The following TBC1D22A variants were observed in gnomAD, a reference collection of about 807,000 sequenced individuals.
The protein encoded by TBC1D22A is TBC1 domain family member 22A, also known as putative GTPase activator.
A neutral mutation model predicts 60.2 loss-of-function variants in TBC1D22A; 38 were observed. The ratio of observed to expected loss-of-function variants is 0.63; its 90% confidence interval spans 0.49 to 0.83. The LOEUF is 0.83. Ranked by LOEUF, TBC1D22A falls within the 40% of genes least tolerant of loss-of-function variation. The pLI is 0.00. For missense variants in TBC1D22A, 628 were observed against 701.0 expected (o/e 0.90, Z 1.18); for synonymous variants, 302 against 281.7 (o/e 1.07, Z -0.72).
chr22:46,762,974 G>A, intron 1 of TBC1D22A, 126 bp downstream of exon 1: 1 of 884,138 alleles, frequency 1.1e-6, no homozygotes, highest in Non-Finnish European at 1.6e-6. Context: ...GGAGACTGCT[G>A]GATGGTGTGA....
chr22:47,095,002 G>T (rs184081137), intron 11 of TBC1D22A, among the ~76,000 whole-genome samples: 1 of 152,354 alleles, frequency 6.6e-6, no homozygotes, highest in East Asian at 1.9e-4. Flanking sequence ...AGGCCGGCTG[G>T]GTAGCAACAG....
At chr22:46,827,652 G>A (rs557781911) in intron 4 of TBC1D22A, among the ~76,000 whole-genome samples, 36 of 152,314 alleles carry the variant, frequency 2.4e-4, no homozygotes, top group African/African-American at 7.5e-4. Context: ...TTGAGGATGC[G>A]TGTGGGCTTG....
chr22:46,895,258 A>T lies in TBC1D22A; in HGVS notation c.900+412A>T, dbSNP rs540601365. Among the ~76,000 whole-genome samples, 9 of 150,280 alleles carry T rather than the reference A, an allele frequency of 6.0e-5. No individual in the cohort carries two copies. The East Asian group carries it at 1.6e-3, about 26-fold the overall frequency. On this transcript the variant is annotated intron_variant, in intron 7 of 12. Transcript: ENST00000337137. Reference sequence around the variant, plus strand: ...TGACGCTTTCTTGCCTTTTATGTTTACGATTCTTTGTGACTTTCATTCATG... The same window carrying T: ...TGACGCTTTCTTGCCTTTTATGTTTTCGATTCTTTGTGACTTTCATTCATG...
At chr22:46,897,686 T>G (rs1368628723) in intron 7 of TBC1D22A, among the ~76,000 whole-genome samples, 1 of 148,028 alleles carries the variant, frequency 6.8e-6, no homozygotes, top group Non-Finnish European at 1.5e-5. Flanking sequence ...AGGAAGCTAG[T>G]GTGAATTGGC....
intron 8 of TBC1D22A, 44 bp downstream of exon 8, chr22:46,912,232 G>C: frequency 2.9e-6 from 4 of 1,393,380 alleles, no homozygotes; most frequent in Non-Finnish European, 4.1e-6. Context: ...TAGTGGACTT[G>C]CTGTGTGTTA....
chr22:46,894,917 T>C, intron 7 of TBC1D22A, 71 bp downstream of exon 7: 1 of 1,561,916 alleles, frequency 6.4e-7, no homozygotes, highest in Non-Finnish European at 8.8e-7. Context: ...AACCAGACAG[T>C]GGGCGCAGCC....
intron 10 of TBC1D22A, among the ~76,000 whole-genome samples, chr22:47,032,406 C>T (rs1009832098): frequency 6.6e-6 from 1 of 152,216 alleles, no homozygotes; most frequent in Non-Finnish European, 1.5e-5. Context: ...ACACCAGGTC[C>T]CCCAGACTGG....
rs1353153078 is a variant in TBC1D22A at position 46,965,884 on chromosome 22, G to T, written c.1016-8406G>T. Among the ~76,000 whole-genome samples the T allele has an allele frequency of 3.9e-5, 6 of 152,262 alleles. No individual in the cohort carries two copies. The South Asian group carries it at 1.2e-3, about 32-fold the overall frequency. On this transcript the variant is annotated intron_variant, in intron 8 of 12. Coordinates refer to ENST00000337137, the MANE Select transcript of TBC1D22A (RefSeq NM_014346.5). ...GTGCTGGGCCAGCAGGCCCCAGGTGGCAGCATCTCCACCCGCCTGTGCCCA... is the reference window on the plus strand; with the variant it reads ...GTGCTGGGCCAGCAGGCCCCAGGTGTCAGCATCTCCACCCGCCTGTGCCCA...
chr22:46,946,469 A>C (rs961059481), intron 8 of TBC1D22A, among the ~76,000 whole-genome samples: 1 of 152,086 alleles, frequency 6.6e-6, no homozygotes. Flanking sequence ...CACTGGGCTC[A>C]CAAGCAAGTA....
intron 8 of TBC1D22A, among the ~76,000 whole-genome samples, chr22:46,949,259 C>T (rs755785705): frequency 1.5e-4 from 23 of 152,220 alleles, no homozygotes; most frequent in Non-Finnish European, 2.9e-4. Flanking sequence ...TGACAACAGC[C>T]GGTCACACTC....
chr22:47,005,547 C>T (rs1456651650), intron 10 of TBC1D22A, among the ~76,000 whole-genome samples: 2 of 151,574 alleles, frequency 1.3e-5, no homozygotes, highest in Non-Finnish European at 2.9e-5. Flanking sequence ...TCACACATAC[C>T]CTCCTACACA....
chr22:46,881,191 A>T (rs2067832770), intron 5 of TBC1D22A, among the ~76,000 whole-genome samples: 2 of 152,130 alleles, frequency 1.3e-5, no homozygotes, highest in African/African-American at 4.8e-5. Context: ...GGGAGTGGTG[A>T]GCCTGTGTTT....
At chr22:46,938,276 A>G (rs1465672173) in intron 8 of TBC1D22A, among the ~76,000 whole-genome samples, 2 of 152,174 alleles carry the variant, frequency 1.3e-5, no homozygotes, top group African/African-American at 2.4e-5. Flanking sequence ...ATACACAAAA[A>G]CTGACCTTTG....
intron 9 of TBC1D22A, among the ~76,000 whole-genome samples, chr22:46,982,756 G>T (rs2074564351): frequency 2.0e-5 from 3 of 152,208 alleles, no homozygotes; most frequent in Admixed American, 2.0e-4. Flanking sequence ...GGGGATTCAG[G>T]AGCCTAAACT....
chr22:47,085,781 C>G (rs1046213848), intron 11 of TBC1D22A, among the ~76,000 whole-genome samples: 6 of 151,994 alleles, frequency 3.9e-5, no homozygotes, highest in Admixed American at 2.6e-4. Context: ...AAAAAAGGGC[C>G]AAGGATTCAA....
chr22:47,170,792 A>G, intron 12 of TBC1D22A, among the ~76,000 whole-genome samples: 1 of 113,968 alleles, frequency 8.8e-6, no homozygotes, highest in Non-Finnish European at 1.8e-5. Flanking sequence ...CCTGGTGTGT[A>G]ACCCTCCTGA....
At chr22:46,882,054 G>T (rs192637775) in intron 5 of TBC1D22A, among the ~76,000 whole-genome samples, 8 of 152,318 alleles carry the variant, frequency 5.3e-5, no homozygotes, top group African/African-American at 1.9e-4. Context: ...CAGCAGGGAA[G>T]GGGTCTCCCC....
rs9615439 is a variant in TBC1D22A at position 47,017,330 on chromosome 22, G to A, written c.1201+19621G>A. 2.5e-3 allele frequency among the ~76,000 whole-genome samples: 388 copies of A among 152,332 alleles called. 3 individuals are homozygous for A. Among genetic ancestry groups the A allele is most frequent in the Non-Finnish European group, 3.5e-3 (235 of 68,036 alleles). On this transcript the variant is annotated intron_variant, in intron 10 of 12. Transcript: ENST00000337137. The stretch of plus-strand genomic sequence containing the variant: ...AGGAGAAGACAGGAGGGCCACACAT[G>A]ACCAGGTAGTAAGCCCAAGGCTGCG...
chr22:47,157,660 C>T lies in TBC1D22A; in HGVS notation c.1426-15838C>T, dbSNP rs186750943. Reference sequence around the variant, plus strand: ...CGTGTGGCCGTGCAGTTGCCCTTTCCGGTTCTGGTTCCACAGCTCGCTGAC... The same window carrying T: ...CGTGTGGCCGTGCAGTTGCCCTTTCTGGTTCTGGTTCCACAGCTCGCTGAC... On this transcript the variant is annotated intron_variant, in intron 12 of 12. Transcript: ENST00000337137. 6.3e-3 allele frequency among the ~76,000 whole-genome samples: 955 copies of T among 152,320 alleles called. 8 individuals are homozygous for T. Among genetic ancestry groups the T allele is most frequent in the Non-Finnish European group, 7.6e-3 (519 of 68,024 alleles).
Sources: gnomAD v4.1 joint callset for allele counts (sites outside exome capture counted in the v4.1 genomes callset) on GRCh38, gnomAD v4.1.1 for gene constraint, MANE v1.5 for transcripts, NCBI Gene and HGNC (gene_info 2026-07-23, HGNC 2026-07-21) for gene names.